The following C2CD3 variants were observed in gnomAD, a reference collection of about 807,000 sequenced individuals.
C2CD3 encodes the protein C2 domain-containing protein 3.
C2CD3 carries 148 observed loss-of-function variants against 234.0 expected under a neutral mutation model. The observed-to-expected ratio is 0.63, with a 90% confidence interval of 0.55 to 0.72. C2CD3 has a LOEUF of 0.72. Ranked by LOEUF, C2CD3 falls within the 30% of genes least tolerant of loss-of-function variation. C2CD3 has a pLI of 0.00. For synonymous variants in C2CD3, 1,000 were observed against 1,035.4 expected, an observed-to-expected ratio of 0.97 and a Z score of 0.66; for missense variants, 2,577 against 2,811.5, an observed-to-expected ratio of 0.92 and a Z score of 1.89.
At chr11:74,156,828 G>C (rs534706635) in intron 3 of C2CD3, among the ~76,000 whole-genome samples, 1 of 152,128 alleles carries the variant, frequency 6.6e-6, no homozygotes, top group East Asian at 1.9e-4. Context: ...AAAATTAGCC[G>C]GGCATGGTGG....
intron 25 of C2CD3, among the ~76,000 whole-genome samples, chr11:74,055,477 A>T (rs1246505050): frequency 6.6e-6 from 1 of 152,230 alleles, no homozygotes; most frequent in Admixed American, 6.5e-5. Context: ...GAAAACCAAG[A>T]GGCTTGATTT....
chr11:74,034,206 G>A lies in C2CD3; in HGVS notation c.5954C>T (p.Ala1985Val). 1 of 1,536,166 alleles carries A rather than the reference G, an allele frequency of 6.5e-7. No individual in the cohort carries two copies. The highest frequency in any genetic ancestry group is 8.7e-7 in the Non-Finnish European group (1 of 1,146,894). The change falls in exon 31 of 33, where the codon GCC becomes GTC. Residue 1985 changes from alanine (A) to valine (V), a missense_variant. Coordinates refer to ENST00000334126, the MANE Select transcript of C2CD3 (RefSeq NM_001286577.2). ...SHRARSRSNK[A>V]TTLPDAQDTE... ...GTCCTGAGCATCTGGGAGGGTGGTG[G>A]CCTTGTTGCTTCTACTCCTGGCTCG...
chr11:74,049,682 G>A (rs1953579673), intron 26 of C2CD3, 140 bp from the exon 27 acceptor site: 3 of 661,836 alleles, frequency 4.5e-6, no homozygotes, highest in Non-Finnish European at 7.7e-6. Context: ...AGATAATGAA[G>A]TTGAGAGGGA....
At position 74,132,976 on chromosome 11, in the gene C2CD3, A is replaced by C. The variant is rs190531828; in HGVS notation, c.1089-4T>G. ...ATTCCTAGAAAAGGCTCTGATCCTA[A>C]GGTGTGGAAAAATACTTTCTCACTG... On this transcript the variant is annotated splice_region_variant and splice_polypyrimidine_tract_variant and intron_variant, in intron 6 of 32. Transcript: ENST00000334126. 3.7e-6 allele frequency: 6 copies of C among 1,613,072 alleles called. No homozygotes were observed. In the African/African-American group the frequency reaches 6.7e-5, roughly 18 times the overall value.
chr11:74,114,730 G>A lies in C2CD3; in HGVS notation c.1521-137C>T, dbSNP rs550117742. On this transcript the variant is annotated intron_variant, in intron 9 of 32. Transcript: ENST00000334126. Reference sequence around the variant, plus strand: ...TTTATTTTTATTTTTGACACAGGGTGTTGCTCTGTCACCCAGGCTGGAGTG... The same window carrying A: ...TTTATTTTTATTTTTGACACAGGGTATTGCTCTGTCACCCAGGCTGGAGTG... The A allele has an allele frequency of 1.3e-3, 825 of 630,494 alleles. 10 individuals are homozygous for A. In the South Asian group the frequency reaches 0.016, roughly 12 times the overall value. The allele number at this position is 630,494 out of a possible 1,614,324, so 39.1% of individuals were successfully genotyped here.
intron 15 of C2CD3, among the ~76,000 whole-genome samples, chr11:74,099,767 G>A (rs1956242849): frequency 6.6e-6 from 1 of 152,094 alleles, no homozygotes; most frequent in Non-Finnish European, 1.5e-5. Flanking sequence ...GTGGTGGCAG[G>A]TGCCTGTAGT....
intron 8 of C2CD3, among the ~76,000 whole-genome samples, chr11:74,121,074 G>A (rs977814587): frequency 9.2e-5 from 14 of 152,186 alleles, no homozygotes; most frequent in Admixed American, 9.2e-4. Context: ...ACTCCAGTGG[G>A]TAAAGGGTAT....
At position 74,131,642 on chromosome 11, in the gene C2CD3, G is replaced by A. The variant is rs568915555; in HGVS notation, c.1217+1202C>T. ...CTTCTATCATCCAGGCCAGAGTGCA[G>A]TAGCATGTTCTCGGCTCATTGCAAC... On this transcript the variant is annotated intron_variant, in intron 7 of 32. Transcript: ENST00000334126. 5.2e-4 allele frequency among the ~76,000 whole-genome samples: 79 copies of A among 151,762 alleles called. 1 individual carries two copies. The highest frequency in any genetic ancestry group is 1.9e-3 in the African/African-American group (77 of 41,392).
At chr11:74,042,332 C>A in intron 28 of C2CD3, 114 bp from the exon 29 acceptor site, 1 of 1,038,368 alleles carries the variant, frequency 9.6e-7, no homozygotes, top group Non-Finnish European at 1.4e-6. Flanking sequence ...CAAATCTATC[C>A]CCACTATCAC....
rs57052333 is a variant in C2CD3 at position 74,059,410 on chromosome 11, C to CAAAAAAAA, written c.4952-1874_4952-1867dup. 1.4e-3 allele frequency among the ~76,000 whole-genome samples: 41 copies of CAAAAAAAA among 29,950 alleles called. 1 individual carries two copies. Among genetic ancestry groups the CAAAAAAAA allele is most frequent in the African/African-American group, 5.1e-3 (37 of 7,224 alleles). 19.6% of individuals were successfully genotyped at this position (29,950 alleles called of 152,430 possible). A position where few individuals can be genotyped will look rare whatever the true frequency, so the allele number is the denominator to read the frequency against. Reference sequence around the variant, plus strand: ...TGGGTGACAGAGCGAGACTCTGTCTCAAAAAAAAAAAAAAAAAAAAAAAAA... The same window carrying CAAAAAAAA: ...TGGGTGACAGAGCGAGACTCTGTCTCAAAAAAAAAAAAAAAAAAAAAAAAAAAAAAAAA... On this transcript the variant is annotated intron_variant, in intron 24 of 32. Transcript: ENST00000334126.
intron 20 of C2CD3, 112 bp downstream of exon 20, chr11:74,090,701 T>G: frequency 8.9e-7 from 1 of 1,124,434 alleles, no homozygotes; most frequent in Non-Finnish European, 1.3e-6. Context: ...AAAGAGGAGT[T>G]GTGGTTAGTG....
At chr11:74,130,631 C>G (rs1957636978) in intron 7 of C2CD3, among the ~76,000 whole-genome samples, 1 of 152,194 alleles carries the variant, frequency 6.6e-6, no homozygotes, top group Admixed American at 6.5e-5. Flanking sequence ...ACAGCCTTGT[C>G]TAACTCATAT....
At chr11:74,075,291 T>C (rs1954984039) in intron 23 of C2CD3, among the ~76,000 whole-genome samples, 1 of 151,966 alleles carries the variant, frequency 6.6e-6, no homozygotes, top group Non-Finnish European at 1.5e-5. Context: ...GCTCCTGTTT[T>C]TCGACCTTCT....
chr11:74,153,466 A>G (rs1324319369), intron 3 of C2CD3, among the ~76,000 whole-genome samples: 4 of 152,246 alleles, frequency 2.6e-5, no homozygotes, highest in African/African-American at 4.8e-5. Context: ...AATGAAGAGC[A>G]TGAATACTTT....
intron 21 of C2CD3, among the ~76,000 whole-genome samples, chr11:74,085,365 A>G (rs1955593944): frequency 6.6e-6 from 1 of 152,148 alleles, no homozygotes; most frequent in Admixed American, 6.5e-5. Context: ...AAAATATAAT[A>G]ATGAACTCCT....
At chr11:74,050,454 T>C (rs1953621844) in intron 26 of C2CD3, among the ~76,000 whole-genome samples, 2 of 152,234 alleles carry the variant, frequency 1.3e-5, no homozygotes, top group Non-Finnish European at 2.9e-5. Flanking sequence ...TCTTTGCTAC[T>C]TATTCCTCAT....
At chr11:74,116,190 C>T (rs1956921741) in intron 9 of C2CD3, among the ~76,000 whole-genome samples, 1 of 152,022 alleles carries the variant, frequency 6.6e-6, no homozygotes, top group Admixed American at 6.6e-5. Context: ...AACAGACAAC[C>T]CACAGAATGG....
At position 74,033,496 on chromosome 11, in the gene C2CD3, CAG is replaced by C; in HGVS notation, c.6662_6663del (p.Ser2221CysfsTer2). On this transcript the variant is annotated frameshift_variant, in exon 31 of 33. Coordinates refer to ENST00000334126, the MANE Select transcript of C2CD3 (RefSeq NM_001286577.2). LOFTEE classifies it high-confidence loss of function. The part of the protein sequence containing the change: ...NEAATSELGD[S>X]ADSFKKLPLN... ...AGCGGCAACTTCTTGAAGCTATCAG[CAG>C]AGTCACCGAGCTCACTGGTGGCAGC... is the stretch of plus-strand genomic sequence containing the variant. The C allele has an allele frequency of 1.3e-6, 2 of 1,536,204 alleles. No homozygotes were observed. Among genetic ancestry groups the C allele is most frequent in the Non-Finnish European group, 8.7e-7 (1 of 1,146,916 alleles).
chr11:74,139,010 T>A, intron 4 of C2CD3, 43 bp from the exon 5 acceptor site: 1 of 1,507,904 alleles, frequency 6.6e-7, no homozygotes, highest in African/African-American at 1.4e-5. Flanking sequence ...ATATAATCTA[T>A]TATGGTAACA....
Sources: gnomAD v4.1 joint callset for allele counts (sites outside exome capture counted in the v4.1 genomes callset) on GRCh38, gnomAD v4.1.1 for gene constraint, MANE v1.5 for transcripts, NCBI Gene and HGNC (gene_info 2026-07-23, HGNC 2026-07-21) for gene names.